The following NELL2 variants were observed in gnomAD, a reference collection of about 807,000 sequenced individuals.
NELL2 encodes the protein neural EGFL like 2.
NELL2 carries 41 observed loss-of-function variants against 109.6 expected under a neutral mutation model. That is an observed-to-expected ratio of 0.37 (90% confidence interval 0.29 to 0.49). The LOEUF (loss-of-function observed/expected upper bound fraction) is 0.49, where lower values mean the gene tolerates loss of function less well. NELL2 is among the 20% of genes least tolerant of loss of function. The pLI is 0.98. For synonymous variants in NELL2, 355 were observed against 344.7 expected (o/e 1.03, Z -0.33); for missense variants, 900 against 1,008.3 (o/e 0.89, Z 1.45).
chr12:44,669,465 A>G (rs1478541541), intron 12 of NELL2, among the ~76,000 whole-genome samples: 1 of 152,166 alleles, frequency 6.6e-6, no homozygotes, highest in East Asian at 1.9e-4. Context: ...TCAGTGAAAT[A>G]CAAGCAAACA....
intron 3 of NELL2, among the ~76,000 whole-genome samples, chr12:44,806,795 T>C (rs986086474): frequency 6.6e-6 from 1 of 151,868 alleles, no homozygotes; most frequent in Non-Finnish European, 1.5e-5. Context: ...AAATCATGTA[T>C]GTAAGTTTAT....
At chr12:44,740,722 G>T (rs1270968356) in intron 9 of NELL2, among the ~76,000 whole-genome samples, 1 of 152,122 alleles carries the variant, frequency 6.6e-6, no homozygotes, top group Non-Finnish European at 1.5e-5. Flanking sequence ...TAGCATGCAG[G>T]TCTCCTCTGC....
chr12:44,549,815 C>T (rs1273788859), intron 15 of NELL2, among the ~76,000 whole-genome samples: 1 of 152,078 alleles, frequency 6.6e-6, no homozygotes, highest in Non-Finnish European at 1.5e-5. Flanking sequence ...AATGTCCATG[C>T]TACCCAAAGC....
chr12:44,792,930 C>A (rs1045419621), intron 3 of NELL2, among the ~76,000 whole-genome samples: 5 of 152,092 alleles, frequency 3.3e-5, no homozygotes, highest in Non-Finnish European at 7.4e-5. Context: ...GTAGAAGGTG[C>A]TCACAGATTT....
chr12:44,530,214 T>G (rs182603665), intron 16 of NELL2, among the ~76,000 whole-genome samples: 1 of 152,214 alleles, frequency 6.6e-6, no homozygotes, highest in African/African-American at 2.4e-5. Flanking sequence ...AATAGGCGAG[T>G]ACGGGTCGTG....
intron 9 of NELL2, among the ~76,000 whole-genome samples, chr12:44,716,657 A>T (rs919429533): frequency 2.6e-5 from 4 of 152,098 alleles, no homozygotes; most frequent in Admixed American, 6.6e-5. Flanking sequence ...ATTTTATAAG[A>T]TAATGAGAAT....
Position 44,670,869 on chromosome 12 carries a change from G to A in NELL2, c.1319-5260C>T, listed in dbSNP as rs545238541. ...AATAGCTGTGAACTTCAACACCCTC[G>A]TTTTAGCACTGGGCAGATCATATAG... On this transcript the variant is annotated intron_variant, in intron 12 of 19. Transcript: ENST00000429094. Among the ~76,000 whole-genome samples, 40 of 152,170 alleles carry A rather than the reference G, an allele frequency of 2.6e-4. No homozygotes were observed. The South Asian group carries it at 7.9e-3, about 30-fold the overall frequency.
intron 3 of NELL2, among the ~76,000 whole-genome samples, chr12:44,800,510 G>A (rs116302116): frequency 0.014 from 2,200 of 152,234 alleles, 51 homozygotes; most frequent in African/African-American, 0.05. Context: ...TAGGAAGAAA[G>A]TAATATTCCC....
chr12:44,905,281 G>A lies in NELL2; in HGVS notation c.38+8518C>T, dbSNP rs531199030. ...CTTTATTTCTTCTTCTAAGGTATGT[G>A]TATTGTAAGCTGGCATTTTCTCATT... On this transcript the variant is annotated intron_variant, in intron 1 of 20. Transcript: ENST00000333837. Among the ~76,000 whole-genome samples the A allele has an allele frequency of 2.6e-5, 4 of 151,882 alleles. No individual in the cohort carries two copies. In the South Asian group the frequency reaches 6.2e-4, roughly 24 times the overall value.
Position 44,590,634 on chromosome 12 carries a change from T to G in NELL2, c.1663+16535A>C, listed in dbSNP as rs1944709784. Among the ~76,000 whole-genome samples the G allele has an allele frequency of 1.3e-5, 2 of 152,192 alleles. 1 individual carries two copies. The highest frequency in any genetic ancestry group is 1.3e-4 in the Admixed American group (2 of 15,270). ...TGTATGAAGTTCCATGAGTTTAAGA[T>G]AGTGTTATTGTACTTTTGAGATTAA... On this transcript the variant is annotated intron_variant, in intron 15 of 19. Coordinates refer to ENST00000429094, the MANE Select transcript of NELL2 (RefSeq NM_001145108.2).
At chr12:44,590,110 C>G (rs1448414265) in intron 15 of NELL2, among the ~76,000 whole-genome samples, 1 of 152,148 alleles carries the variant, frequency 6.6e-6, no homozygotes, top group Non-Finnish European at 1.5e-5. Flanking sequence ...GCAAATTTCT[C>G]AGAATCAGGT....
intron 2 of NELL2, among the ~76,000 whole-genome samples, chr12:44,855,466 C>T (rs1399957339): frequency 6.6e-6 from 1 of 152,192 alleles, no homozygotes; most frequent in Non-Finnish European, 1.5e-5. Flanking sequence ...GAGAAATTGT[C>T]ACACTGCCAC....
intron 19 of NELL2, 35 bp downstream of exon 19, chr12:44,519,970 C>A: frequency 6.3e-7 from 1 of 1,584,946 alleles, no homozygotes; most frequent in South Asian, 1.1e-5. Flanking sequence ...GTGCAGCTGG[C>A]AAAGTGCTCA....
chr12:44,675,337 A>G (rs1198247382), intron 12 of NELL2, among the ~76,000 whole-genome samples: 1 of 152,112 alleles, frequency 6.6e-6, no homozygotes, highest in Non-Finnish European at 1.5e-5. Context: ...TGCAATTCCA[A>G]CAAAGGGAAC....
intron 15 of NELL2, among the ~76,000 whole-genome samples, chr12:44,556,540 C>T (rs1482665276): frequency 6.6e-6 from 1 of 152,154 alleles, no homozygotes; most frequent in Non-Finnish European, 1.5e-5. Flanking sequence ...AAGTGGGAAT[C>T]AACCTGGAGC....
intron 1 of NELL2, among the ~76,000 whole-genome samples, chr12:44,898,311 A>G (rs1399573042): frequency 6.6e-6 from 1 of 152,164 alleles, no homozygotes; most frequent in African/African-American, 2.4e-5. Flanking sequence ...CCTGATGGAG[A>G]GACACCTCCC....
At chr12:44,607,568 A>G (rs1211579538) in intron 14 of NELL2, among the ~76,000 whole-genome samples, 1 of 152,102 alleles carries the variant, frequency 6.6e-6, no homozygotes, top group African/African-American at 2.4e-5. Flanking sequence ...TTCTCATTGT[A>G]ACAATCCACC....
chr12:44,701,040 G>A (rs1236350755), intron 12 of NELL2, among the ~76,000 whole-genome samples: 1 of 151,980 alleles, frequency 6.6e-6, no homozygotes, highest in East Asian at 1.9e-4. Flanking sequence ...TTATTTTTAT[G>A]TATAATCACA....
intron 12 of NELL2, among the ~76,000 whole-genome samples, chr12:44,682,708 T>C (rs946269417): frequency 6.6e-6 from 1 of 152,234 alleles, no homozygotes; most frequent in African/African-American, 2.4e-5. Context: ...TTGTCAGGTT[T>C]GTCAAAGATC....
Sources: gnomAD v4.1 joint callset for allele counts (sites outside exome capture counted in the v4.1 genomes callset) on GRCh38, gnomAD v4.1.1 for gene constraint, MANE v1.5 for transcripts, NCBI Gene and HGNC (gene_info 2026-07-23, HGNC 2026-07-21) for gene names.